The following CELA2B variants were observed in gnomAD, a reference collection of about 807,000 sequenced individuals.
CELA2B encodes chymotrypsin-like elastase family member 2B.
A neutral mutation model predicts 36.5 loss-of-function variants in CELA2B; 27 were observed. The ratio of observed to expected loss-of-function variants is 0.74; its 90% CI spans 0.55 to 1.02. CELA2B has a LOEUF of 1.02. Among genes scored for constraint, CELA2B ranks in the 50% least tolerant of loss-of-function variants. The pLI is 0.00. For missense variants in CELA2B, 340 were observed against 347.8 expected (o/e 0.98, Z 0.18); for synonymous variants, 143 against 148.5 (o/e 0.96, Z 0.27).
rs762043886 is a variant in CELA2B at position 15,482,409 on chromosome 1, G to A, written c.356+16G>A. 6.2e-7 allele frequency: 1 copy of A among 1,613,780 alleles called. No individual in the cohort carries two copies. Among genetic ancestry groups the A allele is most frequent in the East Asian group, 2.2e-5 (1 of 44,860 alleles). The stretch of plus-strand genomic sequence containing the variant: ...TCTCCAAAGGGTTCGTTTCTATCTG[G>A]GTGCACTTGGGGGTGAGGTTGTCAG... On this transcript the variant is annotated intron_variant, in intron 4 of 7. Transcript: ENST00000375910.
intron 4 of CELA2B, 107 bp downstream of exon 4, chr1:15,482,500 T>G (rs1277455896): frequency 6.8e-7 from 1 of 1,478,370 alleles, no homozygotes; most frequent in Non-Finnish European, 9.3e-7. Context: ...GCTTTTTCTA[T>G]AGGGAAGAGA....
chr1:15,486,534 G>A (rs1410019086), intron 6 of CELA2B, among the ~76,000 whole-genome samples: 7 of 152,184 alleles, frequency 4.6e-5, no homozygotes, highest in Non-Finnish European at 8.8e-5. Context: ...GATTCTCCTT[G>A]TAGTGTCCAC....
At chr1:15,483,524 G>A in intron 5 of CELA2B, 124 bp downstream of exon 5, 2 of 1,475,708 alleles carry the variant, frequency 1.4e-6, no homozygotes, top group Non-Finnish European at 1.8e-6. Flanking sequence ...AGACAGGATG[G>A]CATAGGCTGA....
rs1491212485 is a variant in CELA2B, at chr1:15,478,217, T to TATATATATATATATATA, written c.129+1672_129+1673insATATATATATATATATA. ...AGGCTGAGGCATATATATATATATATTGGGATATATAGTTTGTTTGTTTGT... is the reference window on the plus strand; with the variant it reads ...AGGCTGAGGCATATATATATATATATATATATATATATATATATGGGATATATAGTTTGTTTGTTTGT... On this transcript the variant is annotated intron_variant, in intron 2 of 7. Coordinates refer to ENST00000375910, the MANE Select transcript of CELA2B (RefSeq NM_015849.3). Among the ~76,000 whole-genome samples the TATATATATATATATATA allele has an allele frequency of 2.5e-3, 119 of 48,490 alleles. 1 individual carries two copies. Among genetic ancestry groups the TATATATATATATATATA allele is most frequent in the African/African-American group, 8.5e-3 (111 of 13,056 alleles). The allele number at this position is 48,490 out of a possible 152,430, so 31.8% of individuals were successfully genotyped here. A position where few individuals can be genotyped will look rare whatever the true frequency, so the allele number is the denominator to read the frequency against.
intron 3 of CELA2B, chr1:15,481,502 A>G (rs1708741530): frequency 3.6e-6 from 2 of 548,684 alleles, no homozygotes; most frequent in African/African-American, 1.9e-5. Context: ...GGTTCCCTTG[A>G]ACAACTTAAC....
intron 2 of CELA2B, among the ~76,000 whole-genome samples, chr1:15,479,051 T>C (rs1460597747): frequency 2.0e-5 from 3 of 152,218 alleles, no homozygotes; most frequent in African/African-American, 7.2e-5. Flanking sequence ...TACACTTTGC[T>C]GGCCACAAAT....
chr1:15,486,401 C>A (rs1708804682), intron 6 of CELA2B, among the ~76,000 whole-genome samples: 1 of 152,170 alleles, frequency 6.6e-6, no homozygotes, highest in African/African-American at 2.4e-5. Flanking sequence ...ATCACTTGAA[C>A]CCAGAAGGCG....
At chr1:15,483,495 G>A (rs1355174854) in intron 5 of CELA2B, 95 bp downstream of exon 5, 2 of 1,573,760 alleles carry the variant, frequency 1.3e-6, no homozygotes, top group African/African-American at 1.3e-5. Context: ...GTTATCCTGG[G>A]CATGTGGCTG....
intron 2 of CELA2B, among the ~76,000 whole-genome samples, chr1:15,477,389 A>G (rs1425346064): frequency 6.6e-6 from 1 of 152,258 alleles, no homozygotes; most frequent in Non-Finnish European, 1.5e-5. Context: ...TGTAAAGTTT[A>G]CATTGACGCA....
chr1:15,484,058 GGAAA>G (rs754440942), intron 5 of CELA2B, among the ~76,000 whole-genome samples: 30 of 152,276 alleles, frequency 2.0e-4, no homozygotes, highest in Admixed American at 7.8e-4. Flanking sequence ...TCCCTATGAT[GGAAA>G]GAAAGTTACA....
chr1:15,477,327 C>G (rs1476752071), intron 2 of CELA2B, among the ~76,000 whole-genome samples: 1 of 152,186 alleles, frequency 6.6e-6, no homozygotes, highest in Non-Finnish European at 1.5e-5. Flanking sequence ...CCGAGTGGGG[C>G]ACAGGCACAA....
intron 6 of CELA2B, among the ~76,000 whole-genome samples, chr1:15,486,410 C>T (rs773481578): frequency 6.6e-6 from 1 of 152,098 alleles, no homozygotes; most frequent in Non-Finnish European, 1.5e-5. Context: ...ACCCAGAAGG[C>T]GGAGGTTGCA....
chr1:15,491,246 C>G, intron 7 of CELA2B, 49 bp from the exon 8 acceptor site: 1 of 1,613,252 alleles, frequency 6.2e-7, no homozygotes, highest in Non-Finnish European at 8.5e-7. Flanking sequence ...CCACGCACAG[C>G]TCTGTGGTTA....
chr1:15,482,099 A>G (rs1708748226), intron 3 of CELA2B, among the ~76,000 whole-genome samples, 166 bp from the exon 4 acceptor site: 1 of 152,144 alleles, frequency 6.6e-6, no homozygotes, highest in Non-Finnish European at 1.5e-5. Flanking sequence ...TTCTTACATT[A>G]TATACTTTAG....
At chr1:15,483,693 C>T (rs1485285814) in intron 5 of CELA2B, among the ~76,000 whole-genome samples, 7 of 152,088 alleles carry the variant, frequency 4.6e-5, no homozygotes, top group African/African-American at 1.4e-4. Context: ...TTTGGGAGGC[C>T]GAGACGAGCA....
rs750962246 is a variant in CELA2B at position 15,476,564 on chromosome 1, ACTT to A, written c.129+22_129+24del. On this transcript the variant is annotated intron_variant, in intron 2 of 7. Coordinates refer to ENST00000375910, the MANE Select transcript of CELA2B (RefSeq NM_015849.3). ...CTGGCAGGTGAGTTGACCACACTGTACTTCTCCCCGTCCCTGCCCCACTCCCTT... is the reference window on the plus strand; with the variant it reads ...CTGGCAGGTGAGTTGACCACACTGTACTCCCCGTCCCTGCCCCACTCCCTT... The A allele has an allele frequency of 6.3e-5, 101 of 1,610,200 alleles. No individual in the cohort carries two copies. Among genetic ancestry groups the A allele is most frequent in the Middle Eastern group, 1.9e-4 (1 of 5,262 alleles).
rs918060374 is a variant in CELA2B at position 15,486,131 on chromosome 1, G to A, written c.639+85G>A. The A allele has an allele frequency of 2.0e-6, 3 of 1,527,382 alleles. No individual in the cohort carries two copies. The African/African-American group carries it at 4.1e-5, about 21-fold the overall frequency. The allele number at this position is 1,527,382 out of a possible 1,614,324, so 94.6% of individuals were successfully genotyped here. On this transcript the variant is annotated intron_variant, in intron 6 of 7. Coordinates refer to ENST00000375910, the MANE Select transcript of CELA2B (RefSeq NM_015849.3). Reference sequence around the variant, plus strand: ...GGCTATGGAAAACCATCCCTCCATAGGTCCATCCTCCGACCTCCTGGCAGA... The same window carrying A: ...GGCTATGGAAAACCATCCCTCCATAAGTCCATCCTCCGACCTCCTGGCAGA...
chr1:15,476,602 C>A lies in CELA2B; in HGVS notation c.129+57C>A, dbSNP rs1034474869. The A allele has an allele frequency of 1.9e-5, 29 of 1,517,886 alleles. No homozygotes were observed. In the African/African-American group the frequency reaches 3.8e-4, roughly 20 times the overall value. 94.0% of individuals were successfully genotyped at this position (1,517,886 alleles called of 1,614,324 possible). ...CCTGCCCCACTCCCTTTACATCCCC[C>A]CTTTGCCCTTCCACCATGGCGTCTA... On this transcript the variant is annotated intron_variant, in intron 2 of 7. Coordinates refer to ENST00000375910, the MANE Select transcript of CELA2B (RefSeq NM_015849.3).
intron 1 of CELA2B, 141 bp from the exon 2 acceptor site, chr1:15,476,316 G>C (rs548295328): frequency 7.1e-7 from 1 of 1,404,620 alleles, no homozygotes; most frequent in South Asian, 1.3e-5. Context: ...CAAAGAATTG[G>C]AGCAAACAGA....
Sources: gnomAD v4.1 joint callset for allele counts (sites outside exome capture counted in the v4.1 genomes callset) on GRCh38, gnomAD v4.1.1 for gene constraint, MANE v1.5 for transcripts, NCBI Gene and HGNC (gene_info 2026-07-23, HGNC 2026-07-21) for gene names.